DBH: variants seen among roughly 807,000 people sequenced by gnomAD.
The protein encoded by DBH is dopamine beta-hydroxylase (dopamine beta-monooxygenase).
In DBH, 49 loss-of-function variants were observed where a neutral mutation model predicts 64.0. The observed-to-expected ratio is 0.77, with a 90% CI of 0.61 to 0.97. DBH has a LOEUF of 0.97. Ranked by LOEUF, DBH falls within the 50% of genes least tolerant of loss-of-function variation. The pLI is 0.00. For missense variants in DBH, 828 were observed against 826.6 expected (o/e 1.00, Z -0.02); for synonymous variants, 343 against 347.1 (o/e 0.99, Z 0.13).
At chr9:133,656,068 G>A in intron 9 of DBH, 1 of 303,320 alleles carries the variant, frequency 3.3e-6, no homozygotes, top group East Asian at 8.7e-5. Context: ...CGGGGCTGCA[G>A]TGGAAAGGGC....
At chr9:133,642,817 G>A (rs1296771004) in intron 3 of DBH, among the ~76,000 whole-genome samples, 3 of 152,140 alleles carry the variant, frequency 2.0e-5, no homozygotes, top group South Asian at 2.1e-4. Flanking sequence ...ACTTGCTCTC[G>A]AACACCCGTC....
rs1237401309 is a variant in DBH, at chr9:133,644,084, C to T, written c.922-134C>T. On this transcript the variant is annotated intron_variant, in intron 4 of 11. Coordinates refer to ENST00000393056, the MANE Select transcript of DBH (RefSeq NM_000787.4). ...TAATGAGCTGCCTGTCAGGAGGAAG[C>T]ATCGCTCTAATCCTGCTGCGCCCCC... is the stretch of plus-strand genomic sequence containing the variant. The T allele has an allele frequency of 6.6e-6, 5 of 755,136 alleles. No individual in the cohort carries two copies. In the Admixed American group the frequency reaches 9.0e-5, roughly 14 times the overall value. 46.8% of individuals were successfully genotyped at this position (755,136 alleles called of 1,614,324 possible). A position where few individuals can be genotyped will look rare whatever the true frequency, so the allele number is the denominator to read the frequency against.
At chr9:133,657,369 C>A in intron 11 of DBH, 140 bp downstream of exon 11, 1 of 961,570 alleles carries the variant, frequency 1.0e-6, no homozygotes, top group South Asian at 1.4e-5. Context: ...CAGGTGGTGA[C>A]ACATAGGCCT....
At chr9:133,644,997 G>A (rs1832166152) in intron 5 of DBH, among the ~76,000 whole-genome samples, 1 of 152,098 alleles carries the variant, frequency 6.6e-6, no homozygotes, top group African/African-American at 2.4e-5. Context: ...GCACGCAGAA[G>A]CACACACATG....
chr9:133,646,512 C>T (rs150175329), intron 5 of DBH, among the ~76,000 whole-genome samples: 175 of 152,268 alleles, frequency 1.1e-3, no homozygotes, highest in Non-Finnish European at 2.1e-3. Context: ...GAGTGGGTGC[C>T]AGCATCCCTG....
At chr9:133,646,814 CG>C (rs928728066) in intron 5 of DBH, among the ~76,000 whole-genome samples, 2 of 152,156 alleles carry the variant, frequency 1.3e-5, no homozygotes, top group African/African-American at 4.8e-5. Context: ...CGTGAGCCAC[CG>C]TGCCCGGCCC....
chr9:133,656,557 A>G lies in DBH; in HGVS notation c.1469A>G (p.Asn490Ser), dbSNP rs762044248. The change falls in exon 10 of 12, where the codon AAC (asparagine) becomes AGC (serine). Residue 490 changes from asparagine (N) to serine (S), a missense_variant. Asn to Ser is a conservative substitution (Grantham distance 46). Transcript: ENST00000393056. ...GGGATCCTGGAGGAGATGTGTGTCA[A>G]CTACGTGCACTACTACCCCCAGACG... Reference protein sequence around the residue: ...GFGILEEMCVNYVHYYPQTQL... With the variant: ...GFGILEEMCVSYVHYYPQTQL... 10 of 1,613,810 alleles carry G rather than the reference A, an allele frequency of 6.2e-6. No homozygotes were observed. Among genetic ancestry groups the G allele is most frequent in the Admixed American group, 5.0e-5 (3 of 59,996 alleles).
intron 5 of DBH, 24 bp from the exon 6 acceptor site, chr9:133,647,822 T>C (rs1285597610): frequency 6.2e-7 from 1 of 1,614,010 alleles, no homozygotes; most frequent in Admixed American, 1.7e-5. Context: ...ACCGCTCACC[T>C]CCATCCATCC....
intron 1 of DBH, among the ~76,000 whole-genome samples, chr9:133,637,669 C>T (rs907595739): frequency 1.3e-5 from 2 of 152,210 alleles, no homozygotes; most frequent in African/African-American, 2.4e-5. Context: ...GCTGGTGGGG[C>T]GGAGAGTCCC....
At chr9:133,641,918 G>T (rs1196130426) in intron 2 of DBH, among the ~76,000 whole-genome samples, 1 of 152,218 alleles carries the variant, frequency 6.6e-6, no homozygotes, top group Non-Finnish European at 1.5e-5. Flanking sequence ...ACTGGCTCAC[G>T]GCGGGCCCAG....
At chr9:133,644,161 C>A in intron 4 of DBH, 57 bp from the exon 5 acceptor site, 1 of 1,379,180 alleles carries the variant, frequency 7.3e-7, no homozygotes, top group Non-Finnish European at 1.0e-6. Flanking sequence ...TTGCCCCTGC[C>A]CAGACCTGGG....
chr9:133,639,219 C>T (rs534188862), intron 1 of DBH, among the ~76,000 whole-genome samples: 3,306 of 119,102 alleles, frequency 0.028, 54 homozygotes, highest in African/African-American at 0.061. Context: ...ATAGCGAGAC[C>T]CTATCTCAAA....
intron 1 of DBH, among the ~76,000 whole-genome samples, chr9:133,639,208 C>T (rs1832087180): frequency 7.4e-6 from 1 of 135,068 alleles, no homozygotes. Context: ...GCCTAGGCAA[C>T]ATAGCGAGAC....
chr9:133,658,547 C>G lies in DBH; in HGVS notation c.*100C>G. 7.5e-7 allele frequency: 1 copy of G among 1,338,212 alleles called. No individual in the cohort carries two copies. The highest frequency in any genetic ancestry group is 1.0e-6 in the Non-Finnish European group (1 of 1,004,032). The allele number at this position is 1,338,212 out of a possible 1,614,324, so 82.9% of individuals were successfully genotyped here. A position where few individuals can be genotyped will look rare whatever the true frequency, so the allele number is the denominator to read the frequency against. ...ACGATCCCCATGGAACAGCCCTGCA[C>G]GCCCAGGATGAAGGGGCCAGACCAC... On this transcript the variant is annotated 3_prime_UTR_variant, in exon 12 of 12. Coordinates refer to ENST00000393056, the MANE Select transcript of DBH (RefSeq NM_000787.4).
intron 4 of DBH, among the ~76,000 whole-genome samples, 160 bp from the exon 5 acceptor site, chr9:133,644,058 G>T (rs1287588431): frequency 6.6e-6 from 1 of 152,194 alleles, no homozygotes; most frequent in Non-Finnish European, 1.5e-5. Flanking sequence ...CCTGGGGCGT[G>T]TAATGAGCTG....
At chr9:133,652,221 C>G (rs780444332) in intron 7 of DBH, 25 bp from the exon 8 acceptor site, 15 of 1,613,636 alleles carry the variant, frequency 9.3e-6, no homozygotes, top group Admixed American at 8.3e-5. Flanking sequence ...TCCTCTCCCC[C>G]ACCCCTCGGC....
chr9:133,657,169 C>T lies in DBH; in HGVS notation c.1662C>T (p.Ala554=), dbSNP rs2131295544. 1 of 1,614,122 alleles carries T rather than the reference C, an allele frequency of 6.2e-7. No individual in the cohort carries two copies. ...WNSFNRDVLK[A]LYSFAPISMH... ...CCTTCAACCGCGACGTACTGAAGGC[C>T]CTGTACAGCTTCGCGCCCATCTCCA... The change falls in exon 11 of 12, where the codon GCC becomes GCT. Residue 554 remains alanine, a synonymous_variant. Coordinates refer to ENST00000393056, the MANE Select transcript of DBH (RefSeq NM_000787.4).
At chr9:133,656,268 T>G (rs1367646468) in intron 9 of DBH, 9 of 486,752 alleles carry the variant, frequency 1.8e-5, no homozygotes, top group Non-Finnish European at 3.4e-5. Context: ...CATCCGCTTG[T>G]CCCGTTTCAT....
intron 2 of DBH, among the ~76,000 whole-genome samples, chr9:133,640,726 C>G (rs946827902): frequency 6.6e-6 from 1 of 152,210 alleles, no homozygotes; most frequent in Admixed American, 6.5e-5. Flanking sequence ...AGTGACCACA[C>G]GGGAGGCCAG....
Sources: gnomAD v4.1 joint callset for allele counts (sites outside exome capture counted in the v4.1 genomes callset) on GRCh38, gnomAD v4.1.1 for gene constraint, MANE v1.5 for transcripts, NCBI Gene and HGNC (gene_info 2026-07-23, HGNC 2026-07-21) for gene names.